Variants in IRF2 observed in about 807,000 individuals in gnomAD.
The protein encoded by IRF2 is interferon regulatory factor 2.
IRF2 carries 15 observed loss-of-function variants against 40.6 expected under a neutral mutation model. That is an observed-to-expected ratio of 0.37 (90% CI 0.25 to 0.57). The LOEUF (loss-of-function observed/expected upper bound fraction) is 0.57. Among genes scored for constraint, IRF2 ranks in the 20% least tolerant of loss-of-function variants. The pLI, the probability that IRF2 is intolerant of heterozygous loss-of-function variation, is 0.77. For synonymous variants in IRF2, 151 were observed against 165.5 expected (o/e 0.91, Z 0.67); for missense variants, 317 against 455.7 (o/e 0.70, Z 2.77).
chr4:184,437,204 C>T (rs752366529), intron 1 of IRF2, among the ~76,000 whole-genome samples: 13 of 152,276 alleles, frequency 8.5e-5, no homozygotes, highest in Admixed American at 2.0e-4. Context: ...TACAGGCATG[C>T]GCCACCACGC....
chr4:184,451,652 G>T (rs35851973), intron 1 of IRF2, among the ~76,000 whole-genome samples: 90 of 152,240 alleles, frequency 5.9e-4, no homozygotes, highest in Non-Finnish European at 1.1e-3. Context: ...TTCTACATGT[G>T]CCATTGATCC....
At chr4:184,439,683 A>G (rs1738227585) in intron 1 of IRF2, among the ~76,000 whole-genome samples, 1 of 152,230 alleles carries the variant, frequency 6.6e-6, no homozygotes, top group South Asian at 2.1e-4. Context: ...CATTCTATGC[A>G]CAATTTTCCT....
At chr4:184,470,507 C>A (rs1235205606) in intron 1 of IRF2, among the ~76,000 whole-genome samples, 1 of 151,926 alleles carries the variant, frequency 6.6e-6, no homozygotes, top group Non-Finnish European at 1.5e-5. Flanking sequence ...ATGCTGAAAC[C>A]CCGTCTCTAC....
rs1738589236 is a variant in IRF2 at position 184,448,309 on chromosome 4, T to G, written c.-6-19239A>C. 6.6e-6 allele frequency among the ~76,000 whole-genome samples: 1 copy of G among 152,318 alleles called. No homozygotes were observed. Among genetic ancestry groups the G allele is most frequent in the African/African-American group, 2.4e-5 (1 of 41,580 alleles). On this transcript the variant is annotated intron_variant, in intron 1 of 8. Transcript: ENST00000393593. This position sits in a 1 kb window ranked among gnomAD's most constrained non-coding sequence, Gnocchi z 4.3. ...TTTATTCGTCCTCCGTGCACCAGGA[T>G]GGTATTAATAAGCACATGCATCAAT...
chr4:184,411,417 T>C (rs1425552), intron 5 of IRF2, among the ~76,000 whole-genome samples: 20,056 of 152,082 alleles, frequency 0.13, 1,754 homozygotes, highest in East Asian at 0.45. Context: ...AATGGCATCA[T>C]ATATTCCACC....
At chr4:184,407,527 A>G (rs1238623266) in intron 6 of IRF2, among the ~76,000 whole-genome samples, 1 of 152,144 alleles carries the variant, frequency 6.6e-6, no homozygotes, top group Non-Finnish European at 1.5e-5. Flanking sequence ...TCCAATCTAA[A>G]TTTGGTGCCT....
At chr4:184,436,868 TA>T (rs890927160) in intron 1 of IRF2, among the ~76,000 whole-genome samples, 2 of 152,182 alleles carry the variant, frequency 1.3e-5, no homozygotes, top group African/African-American at 4.8e-5. Context: ...ACCAGTTAAA[TA>T]CTAGTATCCC....
chr4:184,453,483 C>T (rs1339740220), intron 1 of IRF2, among the ~76,000 whole-genome samples: 2 of 152,248 alleles, frequency 1.3e-5, no homozygotes, highest in Non-Finnish European at 1.5e-5. Context: ...TTCCCTTAAT[C>T]AGCACGTCCT....
In IRF2 at chr4:184,448,163, AAGAC is replaced by A. The variant is rs1369519333; in HGVS notation, c.-6-19097_-6-19094del. Among the ~76,000 whole-genome samples the A allele has an allele frequency of 2.0e-5, 3 of 152,248 alleles. No homozygotes were observed. Among genetic ancestry groups the A allele is most frequent in the Non-Finnish European group, 4.4e-5 (3 of 68,044 alleles). ...CTCAAAAGAAAACGACTTGGCCAGA[AAGAC>A]AATACCAAGTAGGTAAGTAATTTCC... On this transcript the variant is annotated intron_variant, in intron 1 of 8. Coordinates refer to ENST00000393593, the MANE Select transcript of IRF2 (RefSeq NM_002199.4). This position sits in a 1 kb window ranked among gnomAD's most constrained non-coding sequence, Gnocchi z 4.3.
At chr4:184,424,212 T>C (rs1561102604) in intron 2 of IRF2, among the ~76,000 whole-genome samples, 1 of 152,336 alleles carries the variant, frequency 6.6e-6, no homozygotes, top group Non-Finnish European at 1.5e-5. Context: ...AAAGGTAAAT[T>C]GCCCCAGCCA....
rs1304630717 is a variant in IRF2 at position 184,408,053 on chromosome 4, GA to G, written c.529+104del. 2 of 674,026 alleles carry G rather than the reference GA, an allele frequency of 3.0e-6. No homozygotes were observed. The highest frequency in any genetic ancestry group is 2.6e-4 in the Middle Eastern group (1 of 3,890). 41.8% of individuals were successfully genotyped at this position (674,026 alleles called of 1,614,324 possible). On this transcript the variant is annotated intron_variant, in intron 6 of 8. Transcript: ENST00000393593. This position sits in a 1 kb window ranked among gnomAD's most constrained non-coding sequence, Gnocchi z 4.9. The stretch of plus-strand genomic sequence containing the variant: ...AACTTGCATTCTGAGATGATTCCAA[GA>G]CCTCCTCCCACTGACTATGTTATTT...
intron 1 of IRF2, among the ~76,000 whole-genome samples, chr4:184,462,718 C>T (rs1375771888): frequency 2.0e-5 from 3 of 152,076 alleles, no homozygotes; most frequent in East Asian, 3.9e-4. Flanking sequence ...GGAGAAAAAC[C>T]GAACAATTTT....
At chr4:184,395,375 T>A (rs1037684438) in intron 7 of IRF2, among the ~76,000 whole-genome samples, 6 of 117,886 alleles carry the variant, frequency 5.1e-5, no homozygotes, top group Admixed American at 3.7e-4. Context: ...ATCGCACCAC[T>A]GCACTCCAGC....
chr4:184,461,977 T>A (rs1464351952), intron 1 of IRF2, among the ~76,000 whole-genome samples: 1 of 152,072 alleles, frequency 6.6e-6, no homozygotes, highest in East Asian at 1.9e-4. Flanking sequence ...TCCCCAGGTG[T>A]CCAGCCTCCG....
At chr4:184,443,287 G>A (rs1454892690) in intron 1 of IRF2, among the ~76,000 whole-genome samples, 1 of 152,164 alleles carries the variant, frequency 6.6e-6, no homozygotes, top group Non-Finnish European at 1.5e-5. Flanking sequence ...TGATACTGGG[G>A]TTTGGGCTCC....
intron 2 of IRF2, among the ~76,000 whole-genome samples, chr4:184,427,836 G>A (rs1380239673): frequency 2.0e-5 from 3 of 152,126 alleles, no homozygotes; most frequent in African/African-American, 7.2e-5. Flanking sequence ...TCTTGTACCT[G>A]ATACAAAGAT....
chr4:184,418,130 C>T, intron 5 of IRF2, 37 bp downstream of exon 5: 8 of 1,548,714 alleles, frequency 5.2e-6, no homozygotes, highest in Non-Finnish European at 7.1e-6. Context: ...TAATAGGATC[C>T]CAACTTTGGC....
chr4:184,390,461 G>C lies in IRF2; in HGVS notation c.741+242C>G, dbSNP rs74345583. On this transcript the variant is annotated intron_variant, in intron 8 of 8. Transcript: ENST00000393593. ...TCAATTCCCTTTTCCTGCTATCACA[G>C]CTTCTCTACCTGATGGTAACATTTA... 0.013 allele frequency among the ~76,000 whole-genome samples: 2,010 copies of C among 152,250 alleles called. 51 individuals carry two copies. The highest frequency in any genetic ancestry group is 0.046 in the African/African-American group (1,924 of 41,540).
rs774296098 is a variant in IRF2 at position 184,419,077 on chromosome 4, G to A, written c.188-369C>T. 5.3e-5 allele frequency among the ~76,000 whole-genome samples: 8 copies of A among 152,250 alleles called. No individual in the cohort carries two copies. In the Middle Eastern group the frequency reaches 0.01, roughly 194 times the overall value. ...GCTGAGTGCCTCTTTTTCATCTGAC[G>A]CTCCAACAAAGTCCATTCCTGTAAA... On this transcript the variant is annotated intron_variant, in intron 3 of 8. Transcript: ENST00000393593.
Sources: gnomAD v4.1 joint callset for allele counts (sites outside exome capture counted in the v4.1 genomes callset) on GRCh38, gnomAD v4.1.1 for gene constraint, Gnocchi (gnomAD v3.1) non-coding constraint, MANE v1.5 for transcripts, NCBI Gene and HGNC (gene_info 2026-07-23, HGNC 2026-07-21) for gene names.